RBMS3: variants seen among roughly 807,000 people sequenced by gnomAD.
The protein encoded by RBMS3 is RNA binding motif single stranded interacting protein 3.
Under a neutral mutation model 66.8 loss-of-function variants are expected in RBMS3, and 27 were observed. That is an observed-to-expected ratio of 0.40 (90% CI 0.30 to 0.56). The LOEUF (loss-of-function observed/expected upper bound fraction) is 0.56. Ranked by LOEUF, RBMS3 falls within the 20% of genes least tolerant of loss-of-function variation. The pLI is 0.40. For missense variants in RBMS3, 513 were observed against 549.5 expected (o/e 0.93, Z 0.66); for synonymous variants, 188 against 183.0 (o/e 1.03, Z -0.22).
At chr3:29,478,122 G>C (rs1205824518) in intron 2 of RBMS3, among the ~76,000 whole-genome samples, 1 of 152,108 alleles carries the variant, frequency 6.6e-6, no homozygotes, top group Non-Finnish European at 1.5e-5. Flanking sequence ...TGCCAGGCTT[G>C]GGAGCTACCA....
chr3:29,826,144 C>T (rs573815308), intron 6 of RBMS3, among the ~76,000 whole-genome samples: 2 of 152,160 alleles, frequency 1.3e-5, no homozygotes, highest in South Asian at 2.1e-4. Flanking sequence ...GATTAGATGG[C>T]TATGAAAATG....
intron 2 of RBMS3, among the ~76,000 whole-genome samples, chr3:29,441,772 A>G (rs2041630184): frequency 6.6e-6 from 1 of 152,162 alleles, no homozygotes. Flanking sequence ...AGATAATTCT[A>G]GTATGTAGCA....
At chr3:29,568,770 A>G (rs1046017084) in intron 3 of RBMS3, among the ~76,000 whole-genome samples, 13 of 152,150 alleles carry the variant, frequency 8.5e-5, no homozygotes, top group African/African-American at 2.9e-4. Flanking sequence ...TGTACTCCCT[A>G]ATATTAGAAT....
intron 3 of RBMS3, among the ~76,000 whole-genome samples, chr3:29,492,821 C>A (rs903764431): frequency 6.6e-6 from 1 of 152,128 alleles, no homozygotes; most frequent in African/African-American, 2.4e-5. Context: ...CAAATTAAAG[C>A]AATATGCAGT....
At chr3:29,793,975 A>G (rs576721894) in intron 6 of RBMS3, among the ~76,000 whole-genome samples, 308 of 152,244 alleles carry the variant, frequency 2.0e-3, no homozygotes, top group African/African-American at 7.2e-3. Context: ...GGTTGGTTAG[A>G]AGGCATCTGC....
intron 4 of RBMS3, among the ~76,000 whole-genome samples, chr3:29,634,168 T>A (rs1465273102): frequency 2.0e-5 from 3 of 151,950 alleles, no homozygotes; most frequent in Non-Finnish European, 4.4e-5. Context: ...CATTCATTCC[T>A]TGATGCTGCT....
intron 4 of RBMS3, among the ~76,000 whole-genome samples, chr3:29,629,616 G>A (rs1187383135): frequency 6.6e-6 from 1 of 151,986 alleles, no homozygotes; most frequent in Non-Finnish European, 1.5e-5. Flanking sequence ...ATCTAACAGG[G>A]AACTCATCCA....
intron 4 of RBMS3, among the ~76,000 whole-genome samples, chr3:29,697,919 C>T (rs1055631903): frequency 1.3e-5 from 2 of 152,256 alleles, no homozygotes; most frequent in Admixed American, 6.5e-5. Context: ...TATACAAAAA[C>T]TTTAAGTACT....
chr3:29,329,924 AATAT>A (rs1491416229), intron 1 of RBMS3, among the ~76,000 whole-genome samples: 1 of 148,188 alleles, frequency 6.7e-6, no homozygotes, highest in South Asian at 2.1e-4. Context: ...CTATAGAATT[AATAT>A]ATATATTAAT....
chr3:29,282,679 C>T lies in RBMS3; in HGVS notation c.75+923C>T, dbSNP rs531644070. ...TAGCGGAGTGACCACCTCGAGTGTA[C>T]GGGTGATATTATTTTGTATTGCATT... On this transcript the variant is annotated intron_variant, in intron 1 of 14. Coordinates refer to ENST00000383767, the MANE Select transcript of RBMS3 (RefSeq NM_001003793.3). 1.1e-3 allele frequency among the ~76,000 whole-genome samples: 164 copies of T among 152,104 alleles called. 1 individual carries two copies. Among genetic ancestry groups the T allele is most frequent in the African/African-American group, 3.8e-3 (157 of 41,492 alleles).
intron 14 of RBMS3, among the ~76,000 whole-genome samples, chr3:29,999,763 T>TG (rs1249786470): frequency 7.0e-6 from 1 of 143,030 alleles, no homozygotes; most frequent in African/African-American, 2.6e-5. Context: ...TGTTGTGGGG[T>TG]GGGGGGAGTG....
chr3:29,590,829 T>A (rs1282948244), intron 4 of RBMS3, among the ~76,000 whole-genome samples: 3 of 152,136 alleles, frequency 2.0e-5, no homozygotes, highest in Non-Finnish European at 4.4e-5. Flanking sequence ...TTCTTTGGGG[T>A]GCCATCAAGG....
intron 2 of RBMS3, among the ~76,000 whole-genome samples, chr3:29,458,959 T>C (rs1405594837): frequency 6.6e-6 from 1 of 152,180 alleles, no homozygotes; most frequent in African/African-American, 2.4e-5. Flanking sequence ...TGCATTTTCC[T>C]ATTACATCAT....
intron 10 of RBMS3, among the ~76,000 whole-genome samples, chr3:29,930,109 C>CTTTCTTTTTTTTTTTTTTTTTTTTTTT (rs71091082): frequency 4.6e-5 from 2 of 43,556 alleles, no homozygotes; most frequent in Non-Finnish European, 1.0e-4. Context: ...TTCTTTCTTT[C>CTTTCTTTTTTTTTTTTTTTTTTTTTTT]TTTTTTTTTT....
chr3:29,796,896 T>C (rs370445005), intron 6 of RBMS3, among the ~76,000 whole-genome samples: 5 of 152,102 alleles, frequency 3.3e-5, no homozygotes, highest in African/African-American at 1.2e-4. Context: ...GTACTTTTAA[T>C]AGAGATGAGG....
chr3:29,986,401 C>T (rs570931043), intron 12 of RBMS3, among the ~76,000 whole-genome samples: 11 of 152,236 alleles, frequency 7.2e-5, no homozygotes, highest in African/African-American at 2.6e-4. Context: ...TAGGCTTCTT[C>T]TGTAAAACAC....
chr3:29,608,882 T>C (rs2048399283), intron 4 of RBMS3, among the ~76,000 whole-genome samples: 1 of 151,982 alleles, frequency 6.6e-6, no homozygotes. Context: ...TTAGGGAGAA[T>C]AGTAGGGGGA....
At chr3:29,439,593 T>TTTTATTATTTA (rs2041536346) in intron 2 of RBMS3, among the ~76,000 whole-genome samples, 3 of 149,122 alleles carry the variant, frequency 2.0e-5, no homozygotes, top group African/African-American at 4.9e-5. Flanking sequence ...GTTAATCTCT[T>TTTTATTATTTA]TTTATTTATT....
chr3:29,759,161 C>A (rs1347551012), intron 5 of RBMS3, among the ~76,000 whole-genome samples: 4 of 151,798 alleles, frequency 2.6e-5, no homozygotes, highest in Non-Finnish European at 4.4e-5. Flanking sequence ...ACGTAATTTG[C>A]CTGTGGGAAT....
Sources: allele counts gnomAD v4.1 joint callset (sites outside exome capture counted in the v4.1 genomes callset), GRCh38; gene constraint gnomAD v4.1.1; transcripts MANE v1.5; gene names NCBI Gene and HGNC (gene_info 2026-07-23, HGNC 2026-07-21).